ERP44: variants seen among roughly 807,000 people sequenced by gnomAD.
ERP44 encodes the protein endoplasmic reticulum resident protein 44.
In ERP44, 25 loss-of-function variants were observed where a neutral mutation model predicts 53.4. That is an observed-to-expected ratio of 0.47 (90% CI 0.34 to 0.65). ERP44 has a LOEUF of 0.65. ERP44 is among the 30% of genes least tolerant of loss of function. The pLI, the probability that ERP44 is intolerant of heterozygous loss-of-function variation, is 0.01. For synonymous variants in ERP44, 145 were observed against 161.2 expected (o/e 0.90, Z 0.76); for missense variants, 338 against 493.2 (o/e 0.69, Z 2.98).
At chr9:100,056,824 G>C (rs1826092442) in intron 3 of ERP44, among the ~76,000 whole-genome samples, 2 of 152,110 alleles carry the variant, frequency 1.3e-5, no homozygotes, top group Admixed American at 1.3e-4. Context: ...GTGGAGAGAG[G>C]CCAGACATAA....
At chr9:100,043,272 A>G (rs1825930301) in intron 4 of ERP44, among the ~76,000 whole-genome samples, 1 of 144,698 alleles carries the variant, frequency 6.9e-6, no homozygotes, top group Non-Finnish European at 1.5e-5. Context: ...AAAAAAAAAA[A>G]AAAAAAAAAA....
intron 10 of ERP44, among the ~76,000 whole-genome samples, chr9:99,986,497 C>CT (rs1830196839): frequency 6.6e-6 from 1 of 152,170 alleles, no homozygotes; most frequent in East Asian, 1.9e-4. Flanking sequence ...TCCATATACA[C>CT]TTTAATTCCT....
chr9:100,054,010 T>C (rs1029263564), intron 3 of ERP44, among the ~76,000 whole-genome samples: 14 of 152,312 alleles, frequency 9.2e-5, no homozygotes, highest in African/African-American at 2.9e-4. Context: ...TCTTCTTGTA[T>C]ATATATATCT....
chr9:99,999,274 A>C (rs1171978350), intron 10 of ERP44, among the ~76,000 whole-genome samples: 1 of 150,474 alleles, frequency 6.6e-6, no homozygotes, highest in Non-Finnish European at 1.5e-5. Flanking sequence ...CTGTCTATTC[A>C]TGTCCTTAGC....
chr9:100,013,548 T>C (rs1482144422), intron 8 of ERP44, among the ~76,000 whole-genome samples: 3 of 152,142 alleles, frequency 2.0e-5, no homozygotes, highest in African/African-American at 7.2e-5. Flanking sequence ...CAACTGATAG[T>C]GCTCAATCCC....
intron 1 of ERP44, among the ~76,000 whole-genome samples, chr9:100,091,183 C>T (rs1230012541): frequency 6.6e-6 from 1 of 152,156 alleles, no homozygotes; most frequent in African/African-American, 2.4e-5. Flanking sequence ...CAATATAATG[C>T]TCAAAGTTCT....
chr9:100,008,054 G>A (rs369529894), intron 8 of ERP44, among the ~76,000 whole-genome samples: 2 of 152,104 alleles, frequency 1.3e-5, no homozygotes, highest in East Asian at 3.8e-4. Context: ...TTTTAGAGTG[G>A]GGTAAACATG....
intron 1 of ERP44, among the ~76,000 whole-genome samples, chr9:100,093,882 A>G (rs558601499): frequency 6.6e-6 from 1 of 152,334 alleles, no homozygotes; most frequent in South Asian, 2.1e-4. Flanking sequence ...TTGACATTAT[A>G]CCTTTTTAAT....
Sources: allele counts gnomAD v4.1 joint callset (sites outside exome capture counted in the v4.1 genomes callset), GRCh38; gene constraint gnomAD v4.1.1; transcripts MANE v1.5; gene names NCBI Gene and HGNC (gene_info 2026-07-23, HGNC 2026-07-21).